RORA: variants seen among roughly 807,000 people sequenced by gnomAD.
RORA encodes RAR related orphan receptor A.
A neutral mutation model predicts 69.5 loss-of-function variants in RORA; 7 were observed. The observed-to-expected ratio is 0.10, with a 90% CI of 0.06 to 0.19. The LOEUF (loss-of-function observed/expected upper bound fraction) is 0.19, where lower values mean the gene tolerates loss of function less well. Among genes scored for constraint, RORA ranks in the 10% least tolerant of loss-of-function variants. The pLI is 1.00. For synonymous variants in RORA, 261 were observed against 240.8 expected (o/e 1.08, Z -0.78); for missense variants, 457 against 663.0 (o/e 0.69, Z 3.41).
At chr15:61,103,517 T>C (rs528782242) in intron 1 of RORA, among the ~76,000 whole-genome samples, 2 of 152,268 alleles carry the variant, frequency 1.3e-5, no homozygotes, top group African/African-American at 4.8e-5. Context: ...GAGCTGACTT[T>C]GCAGCCCACC....
chr15:60,667,470 T>A (rs1322386645), intron 2 of RORA, among the ~76,000 whole-genome samples: 1 of 152,142 alleles, frequency 6.6e-6, no homozygotes, highest in African/African-American at 2.4e-5. Flanking sequence ...GTTAAATACA[T>A]CACCACATCT....
chr15:61,011,902 GCT>G (rs1313010131), intron 1 of RORA, among the ~76,000 whole-genome samples: 1 of 152,214 alleles, frequency 6.6e-6, no homozygotes, highest in Non-Finnish European at 1.5e-5. Context: ...GAGAGCTTGC[GCT>G]CTGTTTTCTC....
At chr15:61,015,747 G>T (rs1895259991) in intron 1 of RORA, among the ~76,000 whole-genome samples, 2 of 152,248 alleles carry the variant, frequency 1.3e-5, no homozygotes, top group South Asian at 2.1e-4. Context: ...ATGGGGGAAA[G>T]AACACCAAAC....
At chr15:60,558,406 T>G in intron 2 of RORA, 1 of 679,814 alleles carries the variant, frequency 1.5e-6, no homozygotes, top group Non-Finnish European at 2.6e-6. Context: ...TCTCATGACT[T>G]TTTTGTGTGT....
At chr15:60,651,011 T>C (rs1425394092) in intron 2 of RORA, among the ~76,000 whole-genome samples, 1 of 152,082 alleles carries the variant, frequency 6.6e-6, no homozygotes, top group East Asian at 1.9e-4. Context: ...TCCCTTCCAA[T>C]ACGCCACACA....
chr15:60,592,824 C>A, intron 2 of RORA: 1 of 532,548 alleles, frequency 1.9e-6, no homozygotes, highest in Non-Finnish European at 3.3e-6. Context: ...CCGCCGGTCG[C>A]TTTTCTGCAC....
intron 1 of RORA, among the ~76,000 whole-genome samples, chr15:60,709,634 C>T (rs7180547): frequency 0.68 from 102,651 of 151,022 alleles, 35,595 homozygotes; most frequent in East Asian, 0.94. Flanking sequence ...GTGCGCTCGT[C>T]ATGACAATCT....
At chr15:61,091,475 G>A (rs955344618) in intron 1 of RORA, among the ~76,000 whole-genome samples, 1 of 152,174 alleles carries the variant, frequency 6.6e-6, no homozygotes, top group Non-Finnish European at 1.5e-5. Context: ...AGGAAGCCCA[G>A]TGCACCCCAG....
At chr15:60,811,433 CA>C (rs1176369309) in intron 1 of RORA, among the ~76,000 whole-genome samples, 3 of 152,280 alleles carry the variant, frequency 2.0e-5, no homozygotes, top group Non-Finnish European at 4.4e-5. Context: ...ATATTGTTGC[CA>C]ATCTATTCTC....
Position 61,128,232 on chromosome 15 carries a change from T to C in RORA, c.166+100821A>G, listed in dbSNP as rs1413949705. ...GTGTGTGTGTGTGTGTGTCTGTGTG[T>C]GAGTGTGTTTCTGCAAGGGTATACT... On this transcript the variant is annotated intron_variant, in intron 1 of 10. Transcript: ENST00000335670. This position sits in a 1 kb window ranked among gnomAD's most constrained non-coding sequence, Gnocchi z 4.5. Among the ~76,000 whole-genome samples, 2 of 152,098 alleles carry C rather than the reference T, an allele frequency of 1.3e-5. No individual in the cohort carries two copies. The highest frequency in any genetic ancestry group is 4.8e-5 in the African/African-American group (2 of 41,412).
At chr15:61,116,158 A>G (rs78749094) in intron 1 of RORA, among the ~76,000 whole-genome samples, 6,273 of 152,236 alleles carry the variant, frequency 0.041, 417 homozygotes, top group African/African-American at 0.14. Flanking sequence ...TTGGGACAGC[A>G]GGGAGACTAG....
intron 1 of RORA, among the ~76,000 whole-genome samples, chr15:61,081,911 T>C (rs562399538): frequency 3.3e-5 from 5 of 152,090 alleles, no homozygotes; most frequent in South Asian, 2.1e-4. Context: ...AACCATTAAT[T>C]AGTAAAAATT....
At chr15:60,510,328 G>A (rs983807125) in intron 5 of RORA, 3 of 152,140 alleles carry the variant, frequency 2.0e-5, no homozygotes, top group African/African-American at 7.2e-5. Context: ...CTTAAAAATC[G>A]ATTAAATATA....
At chr15:60,679,965 T>C (rs998320715) in intron 1 of RORA, among the ~76,000 whole-genome samples, 16 of 152,280 alleles carry the variant, frequency 1.1e-4, no homozygotes, top group Admixed American at 1.3e-4. Context: ...CATGTTTGAG[T>C]TGGCTTCACA....
At chr15:60,753,795 A>G (rs948881508) in intron 1 of RORA, among the ~76,000 whole-genome samples, 1 of 152,242 alleles carries the variant, frequency 6.6e-6, no homozygotes. Flanking sequence ...TACTAGACAG[A>G]CATCACAAAT....
At chr15:60,836,463 C>T (rs7183572) in intron 1 of RORA, among the ~76,000 whole-genome samples, 2,212 of 152,244 alleles carry the variant, frequency 0.015, 69 homozygotes, top group African/African-American at 0.051. Flanking sequence ...GTGAAGGTCC[C>T]ACAGGCTTCC....
rs772663243 is a variant in RORA, at chr15:60,492,346, T to C, written c.*5109A>G. On this transcript the variant is annotated 3_prime_UTR_variant, in exon 11 of 11. Transcript: ENST00000335670. ...TGTAACACTAAATGTTGGCTCGAGT[T>C]GCTGCTGTCATACAGGCAGGTTTTG... 2.0e-5 allele frequency: 3 copies of C among 152,188 alleles called. No individual in the cohort carries two copies. Among genetic ancestry groups the C allele is most frequent in the Non-Finnish European group, 4.4e-5 (3 of 68,014 alleles). The allele number at this position is 152,188 out of a possible 1,614,324, so 9.4% of individuals were successfully genotyped here. A position where few individuals can be genotyped will look rare whatever the true frequency, so the allele number is the denominator to read the frequency against.
intron 1 of RORA, among the ~76,000 whole-genome samples, chr15:61,042,894 T>C (rs1203892140): frequency 6.6e-6 from 1 of 152,142 alleles, no homozygotes; most frequent in African/African-American, 2.4e-5. Context: ...TCTCCCCTTC[T>C]AAAGCAATGC....
intron 1 of RORA, among the ~76,000 whole-genome samples, chr15:60,836,834 C>G (rs892924512): frequency 1.4e-5 from 2 of 146,088 alleles, no homozygotes; most frequent in Non-Finnish European, 3.1e-5. Context: ...CAGCTCCCCC[C>G]TCTGCCCTCC....
Sources: allele counts gnomAD v4.1 joint callset (sites outside exome capture counted in the v4.1 genomes callset), GRCh38; gene constraint gnomAD v4.1.1; non-coding constraint Gnocchi (gnomAD v3.1); transcripts MANE v1.5; gene names NCBI Gene and HGNC (gene_info 2026-07-23, HGNC 2026-07-21).